PI4K2A: variants seen among roughly 807,000 people sequenced by gnomAD.
PI4K2A encodes the protein phosphatidylinositol 4-kinase type 2 alpha.
In PI4K2A, 20 loss-of-function variants were observed where a neutral mutation model predicts 55.0. That is an observed-to-expected ratio of 0.36 (90% confidence interval 0.26 to 0.53). The LOEUF (loss-of-function observed/expected upper bound fraction) is 0.53, where lower values mean the gene tolerates loss of function less well. PI4K2A is among the 20% of genes least tolerant of loss of function. The pLI, the probability that PI4K2A is intolerant of heterozygous loss-of-function variation, is 0.91. For missense variants in PI4K2A, 463 were observed against 637.1 expected (o/e 0.73, Z 2.94); for synonymous variants, 235 against 258.5 (o/e 0.91, Z 0.87).
rs1234452797 is a variant in PI4K2A, at chr10:97,642,851, C to T, written c.435+1674C>T. ...CCTTCCTTCCTTCCTTCCTTCCTTC[C>T]TTTCTTTCTTTCTTTTTCTTTCTTT... is the stretch of plus-strand genomic sequence containing the variant. On this transcript the variant is annotated intron_variant, in intron 1 of 8. Transcript: ENST00000370631. 2.2e-3 allele frequency among the ~76,000 whole-genome samples: 22 copies of T among 9,896 alleles called. 2 individuals are homozygous for T. The highest frequency in any genetic ancestry group is 4.4e-3 in the African/African-American group (18 of 4,086). 6.5% of individuals were successfully genotyped at this position (9,896 alleles called of 152,430 possible). A position where few individuals can be genotyped will look rare whatever the true frequency, so the allele number is the denominator to read the frequency against.
Position 97,656,253 on chromosome 10 carries a change from C to G in PI4K2A, c.637-32C>G. 6.3e-7 allele frequency: 1 copy of G among 1,596,468 alleles called. No homozygotes were observed. Among genetic ancestry groups the G allele is most frequent in the Non-Finnish European group, 8.6e-7 (1 of 1,165,142 alleles). On this transcript the variant is annotated intron_variant, in intron 2 of 8. Transcript: ENST00000370631. This position sits in a 1 kb window ranked among gnomAD's most constrained non-coding sequence, Gnocchi z 4.5. ...GTCTTCTGGTTCCTTAAACTTGACT[C>G]TAACCTTAGTATCTCTTCTCTTTCA...
At chr10:97,664,766 A>C in intron 5 of PI4K2A, 119 bp from the exon 6 acceptor site, 1 of 669,498 alleles carries the variant, frequency 1.5e-6, no homozygotes, top group Non-Finnish European at 2.6e-6. Flanking sequence ...AGAGTAGCTC[A>C]AGATAAGTTC....
exon 6 of PI4K2A, chr10:97,664,983 A>G (rs1459806515): frequency 1.3e-6 from 2 of 1,598,414 alleles, no homozygotes; most frequent in Non-Finnish European, 8.6e-7. Flanking sequence ...CCTGGAGGGC[A>G]TGTAAGTCTC....
intron 8 of PI4K2A, among the ~76,000 whole-genome samples, chr10:97,673,188 G>T (rs919308393): frequency 1.3e-5 from 2 of 151,328 alleles, no homozygotes; most frequent in Non-Finnish European, 2.9e-5. Flanking sequence ...ATGGGGTTTC[G>T]CCATGTTGGC....
chr10:97,661,713 T>C (rs889146703), intron 4 of PI4K2A, among the ~76,000 whole-genome samples: 4 of 152,130 alleles, frequency 2.6e-5, no homozygotes, highest in African/African-American at 7.2e-5. Flanking sequence ...TCTTTTTTTT[T>C]CCCTTGCCTT....
intron 4 of PI4K2A, among the ~76,000 whole-genome samples, chr10:97,662,521 T>TA (rs1396791478): frequency 1.3e-5 from 2 of 152,340 alleles, no homozygotes; most frequent in African/African-American, 4.8e-5. Context: ...GCATAGATGA[T>TA]ATACGAGGGT....
intron 1 of PI4K2A, among the ~76,000 whole-genome samples, chr10:97,645,807 C>A (rs2041502396): frequency 1.3e-5 from 2 of 151,784 alleles, no homozygotes; most frequent in African/African-American, 4.8e-5. Context: ...CAGCCTTGGC[C>A]TCCCAGTGTT....
intron 1 of PI4K2A, among the ~76,000 whole-genome samples, chr10:97,645,287 T>C (rs1261426424): frequency 1.3e-5 from 2 of 152,100 alleles, no homozygotes. Flanking sequence ...ATTAGGGTTC[T>C]TGGGGTACAT....
At chr10:97,673,944 G>T (rs532988942) in exon 9 of PI4K2A, 19 of 553,138 alleles carry the variant, frequency 3.4e-5, no homozygotes, top group South Asian at 7.3e-5. Context: ...CTTCTGATGT[G>T]GGGGAGGCTG....
At chr10:97,654,334 A>G (rs1317153606) in intron 2 of PI4K2A, among the ~76,000 whole-genome samples, 1 of 152,112 alleles carries the variant, frequency 6.6e-6, no homozygotes, top group African/African-American at 2.4e-5. Context: ...CTTCATTCCT[A>G]TGCCTGAGTT....
chr10:97,672,754 C>T (rs1375192741), intron 8 of PI4K2A, among the ~76,000 whole-genome samples: 5 of 62,210 alleles, frequency 8.0e-5, no homozygotes, highest in Admixed American at 2.2e-4. Context: ...TTTTTTGAGA[C>T]AGGGTCTTGC....
At chr10:97,652,056 C>A (rs1030157274) in intron 2 of PI4K2A, among the ~76,000 whole-genome samples, 1 of 152,022 alleles carries the variant, frequency 6.6e-6, no homozygotes, top group Non-Finnish European at 1.5e-5. Flanking sequence ...CTTAACTAGT[C>A]TATGCTAGTT....
In PI4K2A at chr10:97,642,855, CTTTCTTTCTTTTT is replaced by C. The variant is rs1564772292; in HGVS notation, c.435+1679_435+1691del. 9.3e-3 allele frequency among the ~76,000 whole-genome samples: 136 copies of C among 14,644 alleles called. 14 individuals carry two copies. Among genetic ancestry groups the C allele is most frequent in the African/African-American group, 0.017 (96 of 5,558 alleles). 9.6% of individuals were successfully genotyped at this position (14,644 alleles called of 152,430 possible). ...CCTTCCTTCCTTCCTTCCTTCCTTT[CTTTCTTTCTTTTT>C]CTTTCTTTCTTTCTTTCTTCCTTCC... On this transcript the variant is annotated intron_variant, in intron 1 of 8. Transcript: ENST00000370631.
At chr10:97,665,499 C>A (rs896334173) in intron 6 of PI4K2A, among the ~76,000 whole-genome samples, 1 of 152,054 alleles carries the variant, frequency 6.6e-6, no homozygotes, top group African/African-American at 2.4e-5. Flanking sequence ...TTCTTGAACT[C>A]CTGACTTCAG....
chr10:97,641,062 A>T, exon 1 of PI4K2A: 5 of 1,606,764 alleles, frequency 3.1e-6, no homozygotes, highest in Non-Finnish European at 4.2e-6. Context: ...TTCCCGGAGG[A>T]TCCTGAGTTC....
At chr10:97,675,675 T>A (rs1048674142) in exon 9 of PI4K2A, 1 of 152,614 alleles carries the variant, frequency 6.6e-6, no homozygotes, top group African/African-American at 2.4e-5. Context: ...ATCTCCACAT[T>A]GTCTTGATCC....
At chr10:97,642,847 C>CT (rs1171688494) in intron 1 of PI4K2A, among the ~76,000 whole-genome samples, 4 of 18,006 alleles carry the variant, frequency 2.2e-4, no homozygotes, top group African/African-American at 4.5e-4. Flanking sequence ...TCCTTCCTTC[C>CT]TTCCTTTCTT....
chr10:97,666,811 A>G (rs569141456), intron 7 of PI4K2A, among the ~76,000 whole-genome samples: 2 of 152,168 alleles, frequency 1.3e-5, no homozygotes, highest in South Asian at 2.1e-4. Context: ...TGTGGCTGCA[A>G]TGTATCTGCA....
intron 4 of PI4K2A, among the ~76,000 whole-genome samples, chr10:97,658,068 G>T (rs2041563778): frequency 6.6e-6 from 1 of 152,112 alleles, no homozygotes; most frequent in South Asian, 2.1e-4. Flanking sequence ...CTGACCTCAG[G>T]TGATCCACCC....
Sources: gnomAD v4.1 joint callset for allele counts (sites outside exome capture counted in the v4.1 genomes callset) on GRCh38, gnomAD v4.1.1 for gene constraint, Gnocchi (gnomAD v3.1) non-coding constraint, MANE v1.5 for transcripts, NCBI Gene and HGNC (gene_info 2026-07-23, HGNC 2026-07-21) for gene names.